PTH2R: variants seen among roughly 807,000 people sequenced by gnomAD.
The protein encoded by PTH2R is parathyroid hormone 2 receptor, also known as PTH2 receptor.
Under a neutral mutation model 60.3 loss-of-function variants are expected in PTH2R, and 59 were observed. The ratio of observed to expected loss-of-function variants is 0.98; its 90% CI spans 0.79 to 1.22. PTH2R has a LOEUF of 1.22. Ranked by LOEUF, PTH2R falls within the 50% of genes most tolerant of loss-of-function variation. The pLI is 0.00. For missense variants in PTH2R, 749 were observed against 682.6 expected, an observed-to-expected ratio of 1.10 and a Z score of -1.08; for synonymous variants, 256 against 243.8, an observed-to-expected ratio of 1.05 and a Z score of -0.47.
intron 1 of PTH2R, among the ~76,000 whole-genome samples, chr2:208,373,578 T>C (rs573565234): frequency 6.6e-6 from 1 of 152,162 alleles, no homozygotes; most frequent in South Asian, 2.1e-4. Context: ...TTGTCCCTGC[T>C]CATACTGTTG....
intron 2 of PTH2R, among the ~76,000 whole-genome samples, chr2:208,430,006 C>T (rs1701937992): frequency 6.6e-6 from 1 of 152,186 alleles, no homozygotes; most frequent in Non-Finnish European, 1.5e-5. Context: ...CCTTCCACTT[C>T]CCCAGTTCCA....
chr2:208,391,137 A>G lies in PTH2R; in HGVS notation c.-259+30900A>G, dbSNP rs371515501. Among the ~76,000 whole-genome samples, 10 of 152,236 alleles carry G rather than the reference A, an allele frequency of 6.6e-5. No individual in the cohort carries two copies. In the East Asian group the frequency reaches 1.5e-3, roughly 24 times the overall value. The stretch of plus-strand genomic sequence containing the variant: ...ACCTGTACCAAATCTCCTGGGTTAA[A>G]TAGAGTGGTCCAATTTCCTGGGGTT... On this transcript the variant is annotated intron_variant, in intron 1 of 12. Coordinates refer to the PTH2R transcript ENST00000617735.
intron 9 of PTH2R, among the ~76,000 whole-genome samples, chr2:208,460,348 A>G (rs925527064): frequency 1.3e-5 from 2 of 152,190 alleles, no homozygotes; most frequent in African/African-American, 2.4e-5. Context: ...AGGAAAACAG[A>G]GAAATTACTG....
intron 2 of PTH2R, among the ~76,000 whole-genome samples, chr2:208,437,023 G>C (rs1178588634): frequency 1.3e-5 from 2 of 152,200 alleles, no homozygotes; most frequent in African/African-American, 4.8e-5. Context: ...GATTCATCTT[G>C]AGAAGAGTAG....
At chr2:208,408,124 C>T (rs543203744) in intron 1 of PTH2R, among the ~76,000 whole-genome samples, 1 of 152,222 alleles carries the variant, frequency 6.6e-6, no homozygotes, top group Non-Finnish European at 1.5e-5. Context: ...CTAGGTGCCA[C>T]GCTAAAAGTG....
At chr2:208,363,483 G>A (rs975385903) in intron 1 of PTH2R, among the ~76,000 whole-genome samples, 1 of 152,172 alleles carries the variant, frequency 6.6e-6, no homozygotes, top group African/African-American at 2.4e-5. Flanking sequence ...ACATATGTGT[G>A]CATGTGTCTT....
chr2:208,366,144 A>G (rs1700588950), intron 1 of PTH2R, among the ~76,000 whole-genome samples: 1 of 150,782 alleles, frequency 6.6e-6, no homozygotes, highest in South Asian at 2.1e-4. Context: ...AATATTTGGT[A>G]GAATTCTTCA....
At chr2:208,381,781 T>G (rs1700919445) in intron 1 of PTH2R, among the ~76,000 whole-genome samples, 1 of 152,116 alleles carries the variant, frequency 6.6e-6, no homozygotes, top group South Asian at 2.1e-4. Flanking sequence ...CTCTAATCAG[T>G]TGGCTTTCAG....
intron 1 of PTH2R, among the ~76,000 whole-genome samples, chr2:208,417,972 G>T (rs1354334216): frequency 6.6e-6 from 1 of 152,060 alleles, no homozygotes; most frequent in Non-Finnish European, 1.5e-5. Context: ...TCTGCTATTT[G>T]CAGATGTTAG....
intron 11 of PTH2R, among the ~76,000 whole-genome samples, chr2:208,489,857 G>A (rs966904083): frequency 6.6e-5 from 10 of 152,096 alleles, no homozygotes; most frequent in African/African-American, 1.7e-4. Context: ...GCTTCCATAC[G>A]TTCTGTTGCT....
chr2:208,434,665 G>T (rs1249345979), intron 2 of PTH2R, among the ~76,000 whole-genome samples: 4 of 152,014 alleles, frequency 2.6e-5, no homozygotes, highest in African/African-American at 9.7e-5. Context: ...GTGTGTCCAG[G>T]TCCAATTTAT....
intron 10 of PTH2R, among the ~76,000 whole-genome samples, chr2:208,482,460 G>T (rs1703176111): frequency 6.6e-6 from 1 of 151,924 alleles, no homozygotes; most frequent in African/African-American, 2.4e-5. Flanking sequence ...GAGGTGAGAT[G>T]GTCACATGGG....
rs568732602 is a variant in PTH2R, at chr2:208,419,255, A to G, written c.76-8946A>G. Reference sequence around the variant, plus strand: ...GTATCTCATTGTGGTTTTGATTTGCATTTCTCTGATGGCCAGTGATGCTGA... The same window carrying G: ...GTATCTCATTGTGGTTTTGATTTGCGTTTCTCTGATGGCCAGTGATGCTGA... On this transcript the variant is annotated intron_variant, in intron 1 of 12. Transcript: ENST00000272847. Among the ~76,000 whole-genome samples, 398 of 152,188 alleles carry G rather than the reference A, an allele frequency of 2.6e-3. 1 individual carries two copies. The highest frequency in any genetic ancestry group is 8.7e-3 in the African/African-American group (363 of 41,510).
chr2:208,483,721 AAGT>A (rs1703211802), intron 10 of PTH2R, among the ~76,000 whole-genome samples: 1 of 152,236 alleles, frequency 6.6e-6, no homozygotes, highest in Non-Finnish European at 1.5e-5. Context: ...AGACTAATAG[AAGT>A]CAGAAAAAGT....
chr2:208,477,472 A>G (rs749411896), intron 9 of PTH2R, among the ~76,000 whole-genome samples: 13 of 152,056 alleles, frequency 8.5e-5, no homozygotes, highest in Non-Finnish European at 1.8e-4. Context: ...TTTTATTTAA[A>G]TCATTAATTG....
chr2:208,461,786 C>CA (rs1445414140), intron 9 of PTH2R, among the ~76,000 whole-genome samples: 7 of 152,190 alleles, frequency 4.6e-5, no homozygotes, highest in African/African-American at 1.7e-4. Flanking sequence ...AAGTCACTCA[C>CA]ATCATCACCA....
chr2:208,410,994 C>T (rs1372279606), intron 1 of PTH2R, among the ~76,000 whole-genome samples: 1 of 152,164 alleles, frequency 6.6e-6, no homozygotes, highest in African/African-American at 2.4e-5. Flanking sequence ...GCCTGTAATC[C>T]CAGCACTTTG....
At chr2:208,438,625 C>T (rs1011833588) in intron 4 of PTH2R, among the ~76,000 whole-genome samples, 38 of 152,050 alleles carry the variant, frequency 2.5e-4, no homozygotes, top group Non-Finnish European at 4.9e-4. Flanking sequence ...ATCACTTAGA[C>T]CTCGTGAGTA....
intron 1 of PTH2R, among the ~76,000 whole-genome samples, chr2:208,371,788 T>A (rs1206788548): frequency 1.3e-5 from 2 of 152,110 alleles, no homozygotes; most frequent in African/African-American, 4.8e-5. Flanking sequence ...TGCCACTCAC[T>A]GTGTGTTGTG....
Sources: allele counts gnomAD v4.1 joint callset (sites outside exome capture counted in the v4.1 genomes callset), GRCh38; gene constraint gnomAD v4.1.1; transcripts MANE v1.5; gene names NCBI Gene and HGNC (gene_info 2026-07-23, HGNC 2026-07-21).